The following CNTNAP3B variants were observed in gnomAD, a reference collection of about 807,000 sequenced individuals.
CNTNAP3B encodes the protein contactin-associated protein-like 3B.
CNTNAP3B carries 25 observed loss-of-function variants against 108.9 expected under a neutral mutation model. That is an observed-to-expected ratio of 0.23 (90% CI 0.17 to 0.32). The LOEUF is 0.32. Ranked by LOEUF, CNTNAP3B falls within the 10% of genes least tolerant of loss-of-function variation. The probability of loss-of-function intolerance (pLI) is 1.00; values close to 1 mark genes in which losing one functional copy is unlikely to be tolerated. For missense variants in CNTNAP3B, 252 were observed against 1,210.4 expected, an observed-to-expected ratio of 0.21 and a Z score of 11.75; for synonymous variants, 103 against 473.4, an observed-to-expected ratio of 0.22 and a Z score of 10.16.
chr9:41,915,590 G>A (rs1823494772), intron 18 of CNTNAP3B, among the ~76,000 whole-genome samples: 1 of 138,530 alleles, frequency 7.2e-6, no homozygotes, highest in Non-Finnish European at 1.6e-5. Flanking sequence ...CATTGAGTAT[G>A]ATGTTAGTTG....
At chr9:41,929,522 A>G (rs1588045724) in intron 14 of CNTNAP3B, 78 bp from the exon 15 acceptor site, 5 of 1,486,608 alleles carry the variant, frequency 3.4e-6, no homozygotes, top group East Asian at 4.9e-5. Context: ...TCTTATCTCA[A>G]TTTGAAACTA....
intron 13 of CNTNAP3B, among the ~76,000 whole-genome samples, chr9:41,942,174 TAA>T (rs1824368300): frequency 6.6e-6 from 1 of 152,260 alleles, no homozygotes; most frequent in Admixed American, 6.5e-5. Context: ...GACCTAATCC[TAA>T]GAGTACAGGA....
At position 41,953,335 on chromosome 9, in the gene CNTNAP3B, AGGGTCACCGCGTCG is replaced by A. The variant is rs1824755757; in HGVS notation, c.1914_1927del (p.Asp639ProfsTer64). 6.4e-7 allele frequency: 1 copy of A among 1,551,714 alleles called. No individual in the cohort carries two copies. The highest frequency in any genetic ancestry group is 1.2e-5 in the South Asian group (1 of 85,426). ...CGGGTGCCCGCTGGGGGCACCTCGG[AGGGTCACCGCGTCG>A]GGGCCACCGTGCCGCACCACCGTCC... On this transcript the variant is annotated frameshift_variant, in exon 13 of 24. Coordinates refer to ENST00000377561, the MANE Select transcript of CNTNAP3B (RefSeq NM_001201380.3). LOFTEE classifies it high-confidence loss of function.
rs1428586833 is a variant in CNTNAP3B at position 42,129,188 on chromosome 9, C to A, written c.-94G>T. The A allele has an allele frequency of 1.5e-5, 22 of 1,461,728 alleles. 1 individual carries two copies. The highest frequency in any genetic ancestry group is 2.5e-5 in the South Asian group (2 of 78,476). The allele number at this position is 1,461,728 out of a possible 1,614,324, so 90.5% of individuals were successfully genotyped here. On this transcript the variant is annotated 5_prime_UTR_variant, in exon 1 of 24. Coordinates refer to ENST00000377561, the MANE Select transcript of CNTNAP3B (RefSeq NM_001201380.3). ...CTCCCGCTCTCACTCCCGTCCCCTG[C>A]GCGGCTCCGACGCTGCTCTGTCTCC...
chr9:42,119,723 G>A (rs1350070742), intron 1 of CNTNAP3B, among the ~76,000 whole-genome samples: 1 of 139,728 alleles, frequency 7.2e-6, no homozygotes, highest in East Asian at 2.1e-4. Flanking sequence ...AAGCAATGGG[G>A]AAAGGATTCC....
In CNTNAP3B at chr9:42,074,510, GT is replaced by G. The variant is rs1015325508; in HGVS notation, c.390+2358del. ...CACTCACAAGAACCATCTCTGGTTT[GT>G]TTTGTGGGTTCTCTCTTCAGTAGCA... On this transcript the variant is annotated intron_variant, in intron 3 of 23. Transcript: ENST00000377561. 1.4e-5 allele frequency among the ~76,000 whole-genome samples: 2 copies of G among 145,338 alleles called. 1 individual carries two copies. Among genetic ancestry groups the G allele is most frequent in the African/African-American group, 5.4e-5 (2 of 37,244 alleles).
chr9:42,077,745 C>T (rs1264405632), intron 2 of CNTNAP3B, among the ~76,000 whole-genome samples: 1 of 109,206 alleles, frequency 9.2e-6, no homozygotes, highest in African/African-American at 3.8e-5. Flanking sequence ...CTGGGGCAAG[C>T]CTCACACAGC....
intron 12 of CNTNAP3B, among the ~76,000 whole-genome samples, chr9:41,955,163 G>T (rs560411298): frequency 3.6e-3 from 518 of 143,700 alleles, no homozygotes; most frequent in African/African-American, 0.012. Context: ...TTGTACAATG[G>T]GAGAGAAATG....
chr9:41,956,392 A>T (rs1179548994), intron 12 of CNTNAP3B, among the ~76,000 whole-genome samples: 1 of 152,220 alleles, frequency 6.6e-6, no homozygotes, highest in Non-Finnish European at 1.5e-5. Flanking sequence ...TCTCAAAATA[A>T]TAATAATAAT....
intron 16 of CNTNAP3B, 150 bp downstream of exon 16, chr9:41,923,773 A>G: frequency 7.1e-7 from 1 of 1,417,550 alleles, no homozygotes; most frequent in South Asian, 1.5e-5. Flanking sequence ...CTCTCTCAAA[A>G]ACAAAAAATT....
intron 3 of CNTNAP3B, among the ~76,000 whole-genome samples, chr9:42,054,795 TA>T: frequency 1.3e-5 from 2 of 151,638 alleles, no homozygotes; most frequent in Non-Finnish European, 2.9e-5. Flanking sequence ...GGATGACATT[TA>T]ACTTGAGATA....
chr9:41,932,572 T>A (rs1588047592), intron 14 of CNTNAP3B, among the ~76,000 whole-genome samples: 1 of 151,232 alleles, frequency 6.6e-6, no homozygotes, highest in African/African-American at 2.4e-5. Flanking sequence ...CAGGCTGGAG[T>A]GCAATGGTGT....
chr9:41,995,810 C>G (rs1218128868), intron 7 of CNTNAP3B, among the ~76,000 whole-genome samples: 2 of 136,376 alleles, frequency 1.5e-5, no homozygotes, highest in African/African-American at 5.9e-5. Flanking sequence ...CCGAGGCAGG[C>G]AGATCACCTG....
At chr9:41,934,122 T>TATATATATATATATATATACACACACAC (rs1214326050) in intron 14 of CNTNAP3B, among the ~76,000 whole-genome samples, 2 of 73,474 alleles carry the variant, frequency 2.7e-5, no homozygotes, top group African/African-American at 5.9e-5. Flanking sequence ...TATATATATA[T>TATATATATATATATATATACACACACAC]ACACACACAT....
intron 1 of CNTNAP3B, among the ~76,000 whole-genome samples, chr9:42,122,161 G>T (rs1290136450): frequency 1.4e-5 from 2 of 139,482 alleles, no homozygotes; most frequent in African/African-American, 5.7e-5. Context: ...AAGATGTATT[G>T]ATAAGCGTGT....
chr9:41,918,992 G>T (rs1243942008), intron 18 of CNTNAP3B, among the ~76,000 whole-genome samples: 2 of 152,142 alleles, frequency 1.3e-5, no homozygotes, highest in Admixed American at 1.3e-4. Context: ...AATAGTAAGT[G>T]TAACAGCCCA....
chr9:41,995,996 G>A (rs1326905317), intron 7 of CNTNAP3B, among the ~76,000 whole-genome samples: 5 of 143,702 alleles, frequency 3.5e-5, no homozygotes, highest in South Asian at 2.2e-4. Flanking sequence ...AGATTGCGCC[G>A]CTGCACTCCA....
chr9:41,978,966 A>G (rs1314855722), intron 9 of CNTNAP3B, among the ~76,000 whole-genome samples: 1 of 143,266 alleles, frequency 7.0e-6, no homozygotes, highest in Non-Finnish European at 1.5e-5. Context: ...ATTTTTTTGA[A>G]AAAGGGATTT....
chr9:41,977,765 G>A lies in CNTNAP3B; in HGVS notation c.1478-7520C>T, dbSNP rs1261277528. ...CTCCTGGGAAGCTGGGACTACAGGCGCCCACCACCATGCCCAGCTAATTTT... is the reference window on the plus strand; with the variant it reads ...CTCCTGGGAAGCTGGGACTACAGGCACCCACCACCATGCCCAGCTAATTTT... On this transcript the variant is annotated intron_variant, in intron 9 of 23. Coordinates refer to ENST00000377561, the MANE Select transcript of CNTNAP3B (RefSeq NM_001201380.3). Among the ~76,000 whole-genome samples, 33 of 117,674 alleles carry A rather than the reference G, an allele frequency of 2.8e-4. 1 individual carries two copies. The South Asian group carries it at 4.1e-3, about 14-fold the overall frequency. 77.2% of individuals were successfully genotyped at this position (117,674 alleles called of 152,430 possible).
Sources: allele counts gnomAD v4.1 joint callset (sites outside exome capture counted in the v4.1 genomes callset), GRCh38; gene constraint gnomAD v4.1.1; transcripts MANE v1.5; gene names NCBI Gene and HGNC (gene_info 2026-07-23, HGNC 2026-07-21).